The following TLE4 variants were observed in gnomAD, a reference collection of about 807,000 sequenced individuals.
TLE4 encodes the protein TLE family member 4, transcriptional corepressor, also known as transducin-like enhancer protein 4.
In TLE4, 8 loss-of-function variants were observed where a neutral mutation model predicts 92.8. That is an observed-to-expected ratio of 0.09 (90% CI 0.05 to 0.16). The LOEUF is 0.16. Ranked by LOEUF, TLE4 falls within the 10% of genes least tolerant of loss-of-function variation. The pLI, the probability that TLE4 is intolerant of heterozygous loss-of-function variation, is 1.00. For missense variants in TLE4, 675 were observed against 997.6 expected, an observed-to-expected ratio of 0.68 and a Z score of 4.36; for synonymous variants, 371 against 374.1, an observed-to-expected ratio of 0.99 and a Z score of 0.10.
In TLE4 at chr9:79,723,017, T is replaced by C. The variant is rs768893391; in HGVS notation, c.2196T>C (p.Tyr732=). ...DNLLNAWRTP[Y]GASIFQSKES... ...TTCTGAATGCCTGGAGAACACCTTATGGGGCCAGTATATTCCAGGTAACAT... is the reference window on the plus strand; with the variant it reads ...TTCTGAATGCCTGGAGAACACCTTACGGGGCCAGTATATTCCAGGTAACAT... Residue 732 remains tyrosine, a synonymous_variant, in exon 19 of 20, where the codon TAT becomes TAC. Coordinates refer to ENST00000376552, the MANE Select transcript of TLE4 (RefSeq NM_007005.6). 20 of 1,614,114 alleles carry C rather than the reference T, an allele frequency of 1.2e-5. No homozygotes were observed. The highest frequency in any genetic ancestry group is 2.7e-5 in the African/African-American group (2 of 74,948).
intron 7 of TLE4, among the ~76,000 whole-genome samples, chr9:79,653,221 G>A (rs2059289031): frequency 6.6e-6 from 1 of 152,126 alleles, no homozygotes; most frequent in Non-Finnish European, 1.5e-5. Context: ...AGCCTATATA[G>A]AGCAGTAAAA....
intron 5 of TLE4, among the ~76,000 whole-genome samples, chr9:79,622,166 G>A (rs935046298): frequency 6.6e-6 from 1 of 152,032 alleles, no homozygotes; most frequent in East Asian, 1.9e-4. Context: ...ACTAATACTT[G>A]GTTCTTTAAA....
chr9:79,654,171 A>G (rs2059424834), intron 8 of TLE4, 96 bp downstream of exon 8: 3 of 1,287,748 alleles, frequency 2.3e-6, no homozygotes, highest in Non-Finnish European at 3.4e-6. Context: ...TTAGAGAATG[A>G]TTTCATTGGT....
At chr9:79,620,342 C>T (rs2050654518) in intron 5 of TLE4, among the ~76,000 whole-genome samples, 4 of 152,124 alleles carry the variant, frequency 2.6e-5, no homozygotes, top group African/African-American at 9.7e-5. Flanking sequence ...TGGCTAGTGG[C>T]TGTCATATTA....
chr9:79,706,706 T>C, intron 10 of TLE4, 41 bp from the exon 11 acceptor site: 1 of 1,587,846 alleles, frequency 6.3e-7, no homozygotes, highest in Non-Finnish European at 8.6e-7. Flanking sequence ...GCATTATAAA[T>C]GTGCTGTGCT....
intron 14 of TLE4, 97 bp from the exon 15 acceptor site, chr9:79,718,625 G>T (rs1588617678): frequency 7.0e-7 from 1 of 1,437,504 alleles, no homozygotes; most frequent in Non-Finnish European, 9.3e-7. Flanking sequence ...ATCACAAGTG[G>T]CACTGAAGGT....
At chr9:79,608,642 C>A (rs1226273457) in intron 4 of TLE4, among the ~76,000 whole-genome samples, 2 of 151,994 alleles carry the variant, frequency 1.3e-5, no homozygotes, top group Non-Finnish European at 2.9e-5. Context: ...AGGAATGTTT[C>A]CTAAAACTGT....
At position 79,718,845 on chromosome 9, in the gene TLE4, G is replaced by T; in HGVS notation, c.1464G>T (p.Glu488Asp). 1 of 1,614,170 alleles carries T rather than the reference G, an allele frequency of 6.2e-7. No homozygotes were observed. Among genetic ancestry groups the T allele is most frequent in the East Asian group, 2.2e-5 (1 of 44,868 alleles). Residue 488 changes from glutamate to aspartate, a missense_variant, in exon 15 of 20, where the codon GAG becomes GAT. Physicochemically the swap from Glu to Asp is conservative, Grantham distance 45. Around this residue, in one of 5 missense-constraint regions of TLE4, gnomAD observed 119 missense variants for 175.9 expected, o/e 0.68. Transcript: ENST00000376552. ...ARQINTLNHG[E>D]VVCAVTISNP... ...AGATCAACACCCTCAACCACGGGGA[G>T]GTGGTGTGCGCGGTGACCATCAGCA...
chr9:79,585,395 T>C (rs2040800752), intron 4 of TLE4, among the ~76,000 whole-genome samples: 1 of 152,214 alleles, frequency 6.6e-6, no homozygotes, highest in African/African-American at 2.4e-5. Context: ...TTCTGCCTTA[T>C]TCCAGTTGAT....
chr9:79,644,804 T>G (rs539354044), intron 6 of TLE4, among the ~76,000 whole-genome samples: 1 of 152,128 alleles, frequency 6.6e-6, no homozygotes, highest in Non-Finnish European at 1.5e-5. Flanking sequence ...TTCCCTTACT[T>G]CTCTCCTAGA....
chr9:79,680,083 T>A (rs1441061400), intron 8 of TLE4, among the ~76,000 whole-genome samples: 2 of 152,334 alleles, frequency 1.3e-5, no homozygotes, highest in East Asian at 3.9e-4. Context: ...TGGCTTAGGA[T>A]TGACTTCGTG....
At chr9:79,603,939 G>A (rs2046253703) in intron 4 of TLE4, among the ~76,000 whole-genome samples, 1 of 152,180 alleles carries the variant, frequency 6.6e-6, no homozygotes, top group Non-Finnish European at 1.5e-5. Flanking sequence ...TTTGTTGGAA[G>A]TATAGACTCT....
intron 17 of TLE4, among the ~76,000 whole-genome samples, chr9:79,722,133 G>A (rs1043768783): frequency 6.6e-6 from 1 of 152,044 alleles, no homozygotes; most frequent in African/African-American, 2.4e-5. Flanking sequence ...CCACTGCACT[G>A]CAGCCTGGCG....
At chr9:79,674,866 A>G (rs2063010474) in intron 8 of TLE4, among the ~76,000 whole-genome samples, 4 of 152,196 alleles carry the variant, frequency 2.6e-5, no homozygotes, top group Admixed American at 2.6e-4. Context: ...AGAATCTGCT[A>G]TCTGATTAAT....
chr9:79,574,943 A>G lies in TLE4; in HGVS notation c.207+7A>G, dbSNP rs2037241024. ...GCAGCGGCATTATGTCATGGTAAGA[A>G]AACCATGTCACAGATTCAAAGTGCC... On this transcript the variant is annotated splice_region_variant and intron_variant, in intron 3 of 19. Coordinates refer to ENST00000376552, the MANE Select transcript of TLE4 (RefSeq NM_007005.6). 2 of 1,612,046 alleles carry G rather than the reference A, an allele frequency of 1.2e-6. No individual in the cohort carries two copies.
In TLE4 at chr9:79,596,062, G is replaced by A. The variant is rs549774572; in HGVS notation, c.253-16594G>A. ...AGGGTTTCACCGTGTTAGCCAGGAT[G>A]GTCTCGATCTCCTGACCTCGTGATC... On this transcript the variant is annotated intron_variant, in intron 4 of 19. Coordinates refer to ENST00000376552, the MANE Select transcript of TLE4 (RefSeq NM_007005.6). Among the ~76,000 whole-genome samples the A allele has an allele frequency of 9.9e-5, 15 of 152,098 alleles. No individual in the cohort carries two copies. In the South Asian group the frequency reaches 2.9e-3, roughly 29 times the overall value.
chr9:79,664,219 A>G (rs1320053449), intron 8 of TLE4, among the ~76,000 whole-genome samples: 17 of 152,232 alleles, frequency 1.1e-4, no homozygotes. Flanking sequence ...GCAGGGATTT[A>G]GCCTGACAGC....
chr9:79,676,460 T>G (rs965722660), intron 8 of TLE4, among the ~76,000 whole-genome samples: 4 of 152,164 alleles, frequency 2.6e-5, no homozygotes, highest in Admixed American at 6.6e-5. Flanking sequence ...TCAAGTTTTC[T>G]TCTGTGACTG....
intron 4 of TLE4, among the ~76,000 whole-genome samples, chr9:79,610,283 A>G (rs2048066466): frequency 6.6e-6 from 1 of 152,104 alleles, no homozygotes; most frequent in African/African-American, 2.4e-5. Context: ...CTGTGCTGGA[A>G]AAGGAGTTTG....
Sources: allele counts gnomAD v4.1 joint callset (sites outside exome capture counted in the v4.1 genomes callset), GRCh38; gene constraint gnomAD v4.1.1; regional missense constraint gnomAD v4.1.1; transcripts MANE v1.5; gene names NCBI Gene and HGNC (gene_info 2026-07-23, HGNC 2026-07-21).